AIG1: variants seen among roughly 807,000 people sequenced by gnomAD.
The protein encoded by AIG1 is androgen-induced gene 1 protein.
In AIG1, 23 loss-of-function variants were observed where a neutral mutation model predicts 31.4. The observed-to-expected ratio is 0.73, with a 90% confidence interval of 0.53 to 1.04. The LOEUF is 1.04. Among genes scored for constraint, AIG1 ranks in the 50% least tolerant of loss-of-function variants. The pLI, the probability that AIG1 is intolerant of heterozygous loss-of-function variation, is 0.00. For missense variants in AIG1, 274 were observed against 295.0 expected, an observed-to-expected ratio of 0.93 and a Z score of 0.52; for synonymous variants, 100 against 110.5, an observed-to-expected ratio of 0.90 and a Z score of 0.60.
chr6:143,256,137 G>C lies in AIG1; in HGVS notation c.400-27973G>C, dbSNP rs1440296106. ...AGAATCCAAATTCAAAAGTAACTGA[G>C]ATAAATTTTAGGGCAAAAATAAATT... On this transcript the variant is annotated intron_variant, in intron 3 of 5. Transcript: ENST00000357847. This position sits in a 1 kb window ranked among gnomAD's most constrained non-coding sequence, Gnocchi z 4.6. 6.6e-6 allele frequency among the ~76,000 whole-genome samples: 1 copy of C among 152,110 alleles called. No individual in the cohort carries two copies. The highest frequency in any genetic ancestry group is 1.5e-5 in the Non-Finnish European group (1 of 68,010).
intron 3 of AIG1, among the ~76,000 whole-genome samples, chr6:143,222,825 T>C (rs969143015): frequency 2.0e-5 from 3 of 152,220 alleles, no homozygotes; most frequent in African/African-American, 7.2e-5. Flanking sequence ...TGAAATACAT[T>C]ACAAATCACA....
intron 1 of AIG1, among the ~76,000 whole-genome samples, chr6:143,097,729 A>C (rs1779920056): frequency 6.6e-6 from 1 of 152,126 alleles, no homozygotes. Context: ...AGCAATCTTC[A>C]TATTAGCCAA....
Position 143,334,053 on chromosome 6 carries a change from T to C in AIG1, c.679+608T>C. On this transcript the variant is annotated intron_variant, in intron 5 of 5. Transcript: ENST00000357847. This position sits in a 1 kb window ranked among gnomAD's most constrained non-coding sequence, Gnocchi z 5.1. ...AACTCTTTTAACCTGTGATTTGATT[T>C]CTCTTTTGTTTCCATTTATGGCAGA... 6.5e-7 allele frequency: 1 copy of C among 1,550,326 alleles called. No homozygotes were observed. Among genetic ancestry groups the C allele is most frequent in the Non-Finnish European group, 8.7e-7 (1 of 1,146,840 alleles).
At chr6:143,290,503 T>C (rs1208832700) in intron 4 of AIG1, among the ~76,000 whole-genome samples, 1 of 152,188 alleles carries the variant, frequency 6.6e-6, no homozygotes, top group Non-Finnish European at 1.5e-5. Context: ...CCCTTACCAG[T>C]TGAATGCTCC....
downstream of AIG1, chr6:143,343,127 G>C (rs954773497): frequency 1.3e-6 from 1 of 761,398 alleles, no homozygotes; most frequent in African/African-American, 1.7e-5. Context: ...CCAGAAGGGA[G>C]GCTTGCCATT....
At chr6:143,179,991 A>G (rs144608343) in intron 3 of AIG1, among the ~76,000 whole-genome samples, 3 of 152,340 alleles carry the variant, frequency 2.0e-5, no homozygotes, top group East Asian at 3.9e-4. Context: ...ATGTTTATGC[A>G]TGTGCTTTTG....
At chr6:143,149,909 A>G (rs1785052306) in intron 2 of AIG1, among the ~76,000 whole-genome samples, 2 of 152,232 alleles carry the variant, frequency 1.3e-5, no homozygotes, top group South Asian at 4.1e-4. Context: ...TGTATCCAGT[A>G]TATCATCTGT....
At position 143,120,532 on chromosome 6, in the gene AIG1, C is replaced by G. The variant is rs140200276; in HGVS notation, c.142-16303C>G. ...GAAGAGAGTGTGTGCAGGGGAACTC[C>G]CCTTTATAAAACCATCCGATCTCAT... On this transcript the variant is annotated intron_variant, in intron 1 of 5. Coordinates refer to ENST00000357847, the MANE Select transcript of AIG1 (RefSeq NM_016108.4). 5.3e-3 allele frequency among the ~76,000 whole-genome samples: 801 copies of G among 152,098 alleles called. 5 individuals carry two copies. Among genetic ancestry groups the G allele is most frequent in the African/African-American group, 0.012 (492 of 41,498 alleles).
intron 3 of AIG1, among the ~76,000 whole-genome samples, chr6:143,214,107 A>G (rs969197189): frequency 5.3e-5 from 8 of 152,244 alleles, no homozygotes; most frequent in Admixed American, 2.6e-4. Flanking sequence ...AATACTCTTG[A>G]TAACTTGCCT....
intron 1 of AIG1, among the ~76,000 whole-genome samples, chr6:143,095,745 T>A (rs1685111917): frequency 6.6e-6 from 1 of 152,092 alleles, no homozygotes; most frequent in Non-Finnish European, 1.5e-5. Context: ...TTCATCCCTT[T>A]ATTACTGCAT....
chr6:143,231,681 TAACA>T (rs1276682822), intron 3 of AIG1, among the ~76,000 whole-genome samples: 4 of 152,248 alleles, frequency 2.6e-5, no homozygotes, highest in African/African-American at 9.6e-5. Flanking sequence ...TGTTACCATC[TAACA>T]GATAGCCAGT....
At chr6:143,307,993 C>T (rs932616853) in intron 4 of AIG1, among the ~76,000 whole-genome samples, 2 of 152,230 alleles carry the variant, frequency 1.3e-5, no homozygotes, top group African/African-American at 4.8e-5. Flanking sequence ...AATCCATGGG[C>T]ATAGGACCCT....
intron 3 of AIG1, among the ~76,000 whole-genome samples, chr6:143,172,532 G>C (rs1056305809): frequency 6.6e-5 from 10 of 152,032 alleles, no homozygotes; most frequent in African/African-American, 2.4e-4. Flanking sequence ...GTTTTCTTTT[G>C]TTGTTATGCC....
chr6:143,255,288 C>T (rs72990459), intron 3 of AIG1, among the ~76,000 whole-genome samples: 16,708 of 152,202 alleles, frequency 0.11, 971 homozygotes, highest in African/African-American at 0.14. Flanking sequence ...CAAAAGACCA[C>T]AGACTAGGTG....
intron 2 of AIG1, among the ~76,000 whole-genome samples, chr6:143,160,460 A>G (rs1180548957): frequency 6.6e-6 from 1 of 152,208 alleles, no homozygotes; most frequent in Non-Finnish European, 1.5e-5. Context: ...GCTGTCACTC[A>G]AGTATTTTAT....
chr6:143,123,728 T>C (rs1009977373), intron 1 of AIG1, among the ~76,000 whole-genome samples: 2 of 152,202 alleles, frequency 1.3e-5, no homozygotes, highest in Non-Finnish European at 2.9e-5. Flanking sequence ...TGTTATTCTT[T>C]ATAGAATTCT....
intron 3 of AIG1, among the ~76,000 whole-genome samples, chr6:143,270,064 T>C (rs951420118): frequency 6.6e-6 from 1 of 152,168 alleles, no homozygotes. Flanking sequence ...ATCACGGATG[T>C]AGACAAAAAT....
At chr6:143,212,961 C>T (rs1025121726) in intron 3 of AIG1, among the ~76,000 whole-genome samples, 3 of 152,100 alleles carry the variant, frequency 2.0e-5, no homozygotes, top group African/African-American at 7.2e-5. Context: ...AGAGATATGA[C>T]AGAGGGAGAA....
At chr6:143,080,477 G>T (rs1210235844) in intron 1 of AIG1, among the ~76,000 whole-genome samples, 1 of 151,986 alleles carries the variant, frequency 6.6e-6, no homozygotes, top group African/African-American at 2.4e-5. Context: ...TGCAAGTGGG[G>T]TTTCCTTTAG....
Sources: allele counts gnomAD v4.1 joint callset (sites outside exome capture counted in the v4.1 genomes callset), GRCh38; gene constraint gnomAD v4.1.1; non-coding constraint Gnocchi (gnomAD v3.1); transcripts MANE v1.5; gene names NCBI Gene and HGNC (gene_info 2026-07-23, HGNC 2026-07-21).